The following NRXN2 variants were observed in gnomAD, a reference collection of about 807,000 sequenced individuals.
NRXN2 encodes the protein neurexin 2, also known as neurexin-2-beta.
Under a neutral mutation model 128.8 loss-of-function variants are expected in NRXN2, and 29 were observed. That is an observed-to-expected ratio of 0.23 (90% CI 0.17 to 0.31). The LOEUF is 0.31. NRXN2 is among the 10% of genes least tolerant of loss of function. NRXN2 has a pLI of 1.00. For missense variants in NRXN2, 1,881 were observed against 2,452.6 expected, an observed-to-expected ratio of 0.77 and a Z score of 4.92; for synonymous variants, 1,098 against 1,075.2, an observed-to-expected ratio of 1.02 and a Z score of -0.41.
In NRXN2 at chr11:64,713,720, CGCCCG is replaced by C. The variant is rs902856154; in HGVS notation, c.-26_-22del. The C allele has an allele frequency of 9.5e-7, 1 of 1,049,218 alleles. No individual in the cohort carries two copies. Among genetic ancestry groups the C allele is most frequent in the African/African-American group, 1.7e-5 (1 of 58,342 alleles). The allele number at this position is 1,049,218 out of a possible 1,614,324, so 65.0% of individuals were successfully genotyped here. A position where few individuals can be genotyped will look rare whatever the true frequency, so the allele number is the denominator to read the frequency against. On this transcript the variant is annotated 5_prime_UTR_variant, in exon 2 of 23. Coordinates refer to ENST00000265459, the MANE Select transcript of NRXN2 (RefSeq NM_015080.4). ...GCCATGCCTACGGCGGCCCCGGCCCCGCCCGGCCCCCGGCCCCCGCTCAGGCTTCA... is the reference window on the plus strand; with the variant it reads ...GCCATGCCTACGGCGGCCCCGGCCCCGCCCCCGGCCCCCGCTCAGGCTTCA...
intron 2 of NRXN2, chr11:64,712,608 C>T: frequency 2.2e-6 from 1 of 447,714 alleles, no homozygotes; most frequent in Non-Finnish European, 4.6e-6. Context: ...TCCACGCAGA[C>T]CCCCACCCAC....
In NRXN2 at chr11:64,651,190, T is replaced by C. The variant is rs2047414654; in HGVS notation, c.2918+65A>G. On this transcript the variant is annotated intron_variant, in intron 14 of 22. Transcript: ENST00000265459. This position sits in a 1 kb window ranked among gnomAD's most constrained non-coding sequence, Gnocchi z 5.9. ...CACCTCGGCCAGTAGCCAGGAGAGC[T>C]GTATGTGGTTCAGCAGGGGGAGGGG... is the stretch of plus-strand genomic sequence containing the variant. 20 of 1,604,774 alleles carry C rather than the reference T, an allele frequency of 1.2e-5. 1 individual carries two copies. In the South Asian group the frequency reaches 2.1e-4, roughly 17 times the overall value.
chr11:64,619,359 G>T (rs2041984367), intron 22 of NRXN2, among the ~76,000 whole-genome samples: 1 of 151,604 alleles, frequency 6.6e-6, no homozygotes, highest in South Asian at 2.1e-4. Context: ...CCAGCCTCAA[G>T]TATCCCACCC....
intron 7 of NRXN2, 54 bp downstream of exon 7, chr11:64,676,939 A>AGTTAAAAAAACCCAC: frequency 6.9e-7 from 1 of 1,458,502 alleles, no homozygotes; most frequent in Non-Finnish European, 9.6e-7. Flanking sequence ...AGAATCGAAC[A>AGTTAAAAAAACCCAC]GTTAAAAAAA....
rs944432470 is a variant in NRXN2, at chr11:64,607,630, C to G, written c.4705G>C (p.Asp1569His). Reference sequence around the variant, plus strand: ...TTCTCCAGCAAGGGCTGAAGCGGGTCTCGGTGGTTCATTTTGCCCGCCGGC... The same window carrying G: ...TTCTCCAGCAAGGGCTGAAGCGGGTGTCGGTGGTTCATTTTGCCCGCCGGC... ...NLPAGKMNHR[D>H]PLQPLLENPP... is the part of the protein sequence containing the mutation. Residue 1569 changes from aspartate to histidine, a missense_variant, in exon 23 of 23, where the codon GAC (aspartate) becomes CAC (histidine). By Grantham distance (81) the Asp-to-His change is moderately conservative. Coordinates refer to ENST00000265459, the MANE Select transcript of NRXN2 (RefSeq NM_015080.4). 1 of 1,532,058 alleles carries G rather than the reference C, an allele frequency of 6.5e-7. No homozygotes were observed. The highest frequency in any genetic ancestry group is 1.4e-5 in the African/African-American group (1 of 72,540). The allele number at this position is 1,532,058 out of a possible 1,614,324, so 94.9% of individuals were successfully genotyped here.
intron 1 of NRXN2, among the ~76,000 whole-genome samples, chr11:64,721,397 C>T (rs930737775): frequency 6.6e-6 from 1 of 151,934 alleles, no homozygotes; most frequent in African/African-American, 2.4e-5. Flanking sequence ...GTTGGTCCAT[C>T]CCGCCCACCC....
At chr11:64,669,023 C>G (rs550629613) in intron 7 of NRXN2, among the ~76,000 whole-genome samples, 1 of 152,130 alleles carries the variant, frequency 6.6e-6, no homozygotes, top group Non-Finnish European at 1.5e-5. Flanking sequence ...TGGACACACA[C>G]GTAACTCCAG....
chr11:64,720,962 G>A (rs1231827534), intron 1 of NRXN2, among the ~76,000 whole-genome samples: 1 of 152,106 alleles, frequency 6.6e-6, no homozygotes, highest in African/African-American at 2.4e-5. Context: ...TGCATCCAAG[G>A]GTGAGGGCTG....
At position 64,668,325 on chromosome 11, in the gene NRXN2, C is replaced by T. The variant is rs995167954; in HGVS notation, c.1359+118G>A. The T allele has an allele frequency of 6.1e-6, 8 of 1,311,374 alleles. No individual in the cohort carries two copies. The African/African-American group carries it at 8.8e-5, about 14-fold the overall frequency. 81.2% of individuals were successfully genotyped at this position (1,311,374 alleles called of 1,614,324 possible). A position where few individuals can be genotyped will look rare whatever the true frequency, so the allele number is the denominator to read the frequency against. ...GGTTTTAAAGAGGGGGTGTCTCCCA[C>T]CATGGACTTGGAAGGAACAGATGAC... On this transcript the variant is annotated intron_variant, in intron 8 of 22. Transcript: ENST00000265459.
intron 2 of NRXN2, among the ~76,000 whole-genome samples, chr11:64,705,254 T>C (rs1466511202): frequency 6.6e-6 from 1 of 152,186 alleles, no homozygotes; most frequent in Non-Finnish European, 1.5e-5. Context: ...GGAGGCAGCA[T>C]GGAGACAGGT....
At chr11:64,655,009 C>A (rs552653016) in intron 11 of NRXN2, among the ~76,000 whole-genome samples, 4 of 152,320 alleles carry the variant, frequency 2.6e-5, no homozygotes, top group African/African-American at 9.6e-5. Flanking sequence ...GGCAGTCTCC[C>A]GGCCCTCGAT....
chr11:64,627,859 ATC>A (rs2043298933), intron 19 of NRXN2, among the ~76,000 whole-genome samples: 2 of 152,092 alleles, frequency 1.3e-5, no homozygotes. Flanking sequence ...TTTTCCTCTC[ATC>A]TCTCACTGCA....
At chr11:64,617,767 G>A (rs568151363) in intron 22 of NRXN2, among the ~76,000 whole-genome samples, 26 of 152,204 alleles carry the variant, frequency 1.7e-4, no homozygotes, top group Non-Finnish European at 2.5e-4. Flanking sequence ...TGGTCTACAC[G>A]AGACTGGGAG....
Position 64,618,628 on chromosome 11 carries a change from C to A in NRXN2, c.4252+1666G>T, listed in dbSNP as rs570146796. Among the ~76,000 whole-genome samples the A allele has an allele frequency of 1.2e-3, 181 of 152,186 alleles. 1 individual carries two copies. The highest frequency in any genetic ancestry group is 3.3e-3 in the Admixed American group (51 of 15,286). ...CAGGGGGTACTGTGTGTTGAAGTCA[C>A]CAGATGCCCAGAGCCCCCCAAAGCA... On this transcript the variant is annotated intron_variant, in intron 22 of 22. Coordinates refer to ENST00000265459, the MANE Select transcript of NRXN2 (RefSeq NM_015080.4).
At chr11:64,684,889 A>G (rs1341697293) in intron 6 of NRXN2, among the ~76,000 whole-genome samples, 1 of 152,194 alleles carries the variant, frequency 6.6e-6, no homozygotes, top group Non-Finnish European at 1.5e-5. Context: ...CCAATGCAGG[A>G]AGGACTCTGA....
At chr11:64,720,136 C>T (rs764561882) in intron 1 of NRXN2, among the ~76,000 whole-genome samples, 1 of 152,206 alleles carries the variant, frequency 6.6e-6, no homozygotes, top group South Asian at 2.1e-4. Flanking sequence ...AGGAGCACAG[C>T]GGAGTCCCAC....
At chr11:64,690,942 C>T (rs141900222) in intron 4 of NRXN2, among the ~76,000 whole-genome samples, 1 of 152,274 alleles carries the variant, frequency 6.6e-6, no homozygotes, top group East Asian at 1.9e-4. Flanking sequence ...CTTCCCAACT[C>T]GTTCAAAAGC....
rs2044126769 is a variant in NRXN2, at chr11:64,632,875, A to G, written c.3586-2302T>C. ...TGGCAAAGTGGAGCGACGCTTTATT[A>G]GAAACGTCAAATTGCTTTTCTCTTA... On this transcript the variant is annotated intron_variant, in intron 18 of 22. Transcript: ENST00000265459. This position sits in a 1 kb window ranked among gnomAD's most constrained non-coding sequence, Gnocchi z 4.2. Among the ~76,000 whole-genome samples, 1 of 152,260 alleles carries G rather than the reference A, an allele frequency of 6.6e-6. No homozygotes were observed. Among genetic ancestry groups the G allele is most frequent in the Non-Finnish European group, 1.5e-5 (1 of 68,040 alleles).
At chr11:64,684,934 G>A (rs936755413) in intron 6 of NRXN2, among the ~76,000 whole-genome samples, 1 of 152,166 alleles carries the variant, frequency 6.6e-6, no homozygotes, top group Non-Finnish European at 1.5e-5. Flanking sequence ...GCCAAGGGGA[G>A]GCAGAAAGCA....
Sources: gnomAD v4.1 joint callset for allele counts (sites outside exome capture counted in the v4.1 genomes callset) on GRCh38, gnomAD v4.1.1 for gene constraint, Gnocchi (gnomAD v3.1) non-coding constraint, MANE v1.5 for transcripts, NCBI Gene and HGNC (gene_info 2026-07-23, HGNC 2026-07-21) for gene names.